CLNK: variants seen among roughly 807,000 people sequenced by gnomAD.
CLNK encodes the protein cytokine dependent hematopoietic cell linker.
In CLNK, 74 loss-of-function variants were observed where a neutral mutation model predicts 68.6. The observed-to-expected ratio is 1.08, with a 90% CI of 0.89 to 1.31. The LOEUF (loss-of-function observed/expected upper bound fraction) is 1.31, where lower values mean the gene tolerates loss of function less well. CLNK is among the 50% of genes most tolerant of loss of function. CLNK has a pLI of 0.00. For synonymous variants in CLNK, 198 were observed against 172.2 expected (o/e 1.15, Z -1.17); for missense variants, 553 against 515.3 (o/e 1.07, Z -0.71).
At chr4:10,568,429 A>C (rs1720209772) in intron 5 of CLNK, among the ~76,000 whole-genome samples, 1 of 152,170 alleles carries the variant, frequency 6.6e-6, no homozygotes, top group Non-Finnish European at 1.5e-5. Context: ...TATTGATTGG[A>C]GTGATGGTTA....
At chr4:10,534,863 A>T (rs923604103) in intron 11 of CLNK, among the ~76,000 whole-genome samples, 1 of 152,316 alleles carries the variant, frequency 6.6e-6, no homozygotes, top group Middle Eastern at 3.4e-3. Context: ...AATGATGTTT[A>T]TACTTTAAAA....
chr4:10,499,456 T>G (rs6448010), intron 18 of CLNK, among the ~76,000 whole-genome samples: 1 of 152,198 alleles, frequency 6.6e-6, no homozygotes, highest in Admixed American at 6.5e-5. Context: ...GTGCTGACTA[T>G]TCCTCTCCGA....
intron 3 of CLNK, among the ~76,000 whole-genome samples, chr4:10,587,938 G>A (rs1184882525): frequency 1.3e-5 from 2 of 152,188 alleles, no homozygotes; most frequent in Non-Finnish European, 2.9e-5. Flanking sequence ...CGGAGGTTCT[G>A]CAGAAATTAG....
intron 18 of CLNK, among the ~76,000 whole-genome samples, chr4:10,495,669 C>G (rs1716773857): frequency 6.6e-6 from 1 of 152,008 alleles, no homozygotes; most frequent in Non-Finnish European, 1.5e-5. Flanking sequence ...AGTTAAGGAT[C>G]CTGAGAAGGG....
chr4:10,616,805 T>C (rs1373670806), intron 2 of CLNK, among the ~76,000 whole-genome samples: 1 of 77,358 alleles, frequency 1.3e-5, no homozygotes, highest in African/African-American at 5.2e-5. Flanking sequence ...TATATATATA[T>C]ATATATATAT....
intron 3 of CLNK, among the ~76,000 whole-genome samples, chr4:10,588,434 C>A (rs1297753827): frequency 3.9e-5 from 6 of 152,170 alleles, no homozygotes; most frequent in African/African-American, 9.7e-5. Context: ...GAGTGGCTAG[C>A]GGGTTGTTCC....
intron 2 of CLNK, among the ~76,000 whole-genome samples, chr4:10,652,017 G>A (rs758759923): frequency 3.7e-4 from 56 of 151,638 alleles, no homozygotes; most frequent in Non-Finnish European, 7.2e-4. Context: ...CAAATAGAAA[G>A]CAAAAAATAA....
the CLNK span, among the ~76,000 whole-genome samples, chr4:10,710,664 G>A: frequency 6.6e-6 from 1 of 152,170 alleles, no homozygotes; most frequent in Non-Finnish European, 1.5e-5. Flanking sequence ...GCTGTGAAGT[G>A]CTCAACTCCA....
intron 17 of CLNK, among the ~76,000 whole-genome samples, chr4:10,503,869 G>A (rs971653071): frequency 8.1e-6 from 1 of 124,132 alleles, no homozygotes; most frequent in Non-Finnish European, 1.6e-5. Flanking sequence ...TGCAACCTCC[G>A]CCTCCAGGGT....
intron 1 of CLNK, among the ~76,000 whole-genome samples, chr4:10,669,499 A>G (rs183153538): frequency 2.6e-5 from 4 of 152,282 alleles, no homozygotes; most frequent in East Asian, 1.9e-4. Context: ...AGATGTTACA[A>G]TGTATATTGT....
chr4:10,522,572 C>CAA (rs58663693), intron 14 of CLNK, among the ~76,000 whole-genome samples: 7,092 of 115,840 alleles, frequency 0.061, 439 homozygotes, highest in African/African-American at 0.13. Flanking sequence ...GAAACTCTCT[C>CAA]AAAAAAAAAA....
chr4:10,675,851 C>A (rs1724850233), intron 1 of CLNK, among the ~76,000 whole-genome samples: 1 of 152,048 alleles, frequency 6.6e-6, no homozygotes, highest in South Asian at 2.1e-4. Context: ...GGTCAAGGCT[C>A]AAGAATAAGG....
chr4:10,575,893 G>C (rs933082961), intron 4 of CLNK, among the ~76,000 whole-genome samples: 2 of 152,206 alleles, frequency 1.3e-5, no homozygotes, highest in Non-Finnish European at 2.9e-5. Flanking sequence ...ATAGGTGGTA[G>C]TCCTCCCTGA....
At chr4:10,724,627 T>C in the CLNK span, among the ~76,000 whole-genome samples, 2 of 152,060 alleles carry the variant, frequency 1.3e-5, no homozygotes. Context: ...AAAGAATAAA[T>C]CAGATGGGGC....
At chr4:10,506,200 C>A (rs1717285558) in intron 17 of CLNK, among the ~76,000 whole-genome samples, 1 of 152,192 alleles carries the variant, frequency 6.6e-6, no homozygotes, top group Admixed American at 6.5e-5. Flanking sequence ...TATTCCAGTT[C>A]TTTTCTCCTT....
the CLNK span, among the ~76,000 whole-genome samples, chr4:10,706,218 C>A: frequency 6.6e-6 from 1 of 152,172 alleles, no homozygotes; most frequent in Non-Finnish European, 1.5e-5. Flanking sequence ...CCACATGTGT[C>A]CTTGGGCAAG....
chr4:10,662,445 A>T (rs137855945), intron 2 of CLNK, among the ~76,000 whole-genome samples: 1 of 152,332 alleles, frequency 6.6e-6, no homozygotes, highest in African/African-American at 2.4e-5. Flanking sequence ...GTAGTGAAAC[A>T]TGTGATGGTT....
rs1352858617 is a variant in CLNK at position 10,654,077 on chromosome 4, A to T, written c.11+13782T>A. Among the ~76,000 whole-genome samples, 3 of 152,148 alleles carry T rather than the reference A, an allele frequency of 2.0e-5. No homozygotes were observed. In the East Asian group the frequency reaches 5.8e-4, roughly 29 times the overall value. On this transcript the variant is annotated intron_variant, in intron 2 of 18. Transcript: ENST00000226951. The stretch of plus-strand genomic sequence containing the variant: ...CTCTTGTCCAGAATGGAAAATTGGG[A>T]AATACACTGCAACTCATTTGATGAG...
At chr4:10,673,783 G>A (rs145466875) in intron 1 of CLNK, among the ~76,000 whole-genome samples, 2 of 151,924 alleles carry the variant, frequency 1.3e-5, no homozygotes, top group African/African-American at 4.9e-5. Context: ...GGCAGGACTT[G>A]TAGGCTGTGG....
Sources: gnomAD v4.1 joint callset for allele counts (sites outside exome capture counted in the v4.1 genomes callset) on GRCh38, gnomAD v4.1.1 for gene constraint, MANE v1.5 for transcripts, NCBI Gene and HGNC (gene_info 2026-07-23, HGNC 2026-07-21) for gene names.